The following RFX3 variants were observed in gnomAD, a reference collection of about 807,000 sequenced individuals.
RFX3 encodes regulatory factor X3.
In RFX3, 14 loss-of-function variants were observed where a neutral mutation model predicts 98.6. That is an observed-to-expected ratio of 0.14 (90% CI 0.09 to 0.22). RFX3 has a LOEUF of 0.22. Among genes scored for constraint, RFX3 ranks in the 10% least tolerant of loss-of-function variants. The probability of loss-of-function intolerance (pLI) is 1.00; values close to 1 mark genes in which losing one functional copy is unlikely to be tolerated. For missense variants in RFX3, 639 were observed against 926.9 expected, an observed-to-expected ratio of 0.69 and a Z score of 4.03; for synonymous variants, 383 against 328.4, an observed-to-expected ratio of 1.17 and a Z score of -1.80.
At chr9:3,377,009 G>A (rs1319807212) in intron 2 of RFX3, among the ~76,000 whole-genome samples, 2 of 152,198 alleles carry the variant, frequency 1.3e-5, no homozygotes, top group Non-Finnish European at 2.9e-5. Flanking sequence ...CTGTAAGCTA[G>A]TTCAACCATT....
intron 3 of RFX3, among the ~76,000 whole-genome samples, chr9:3,338,837 C>G (rs1341554407): frequency 6.6e-6 from 1 of 152,162 alleles, no homozygotes; most frequent in Non-Finnish European, 1.5e-5. Context: ...CGCCTGTAAT[C>G]TCAACACTTT....
intron 3 of RFX3, chr9:3,344,681 G>A (rs1834248312): frequency 1.7e-6 from 1 of 590,682 alleles, no homozygotes. Flanking sequence ...CCCTGCAGGT[G>A]CCCATTACTA....
At chr9:3,263,399 G>A (rs1388462831) in intron 12 of RFX3, among the ~76,000 whole-genome samples, 1 of 152,090 alleles carries the variant, frequency 6.6e-6, no homozygotes, top group Non-Finnish European at 1.5e-5. Flanking sequence ...GAGTAGGGAA[G>A]CAAGAAAAAT....
rs141739652 is a variant in RFX3, at chr9:3,513,905, T to G, written c.-9+11842A>C. 2.6e-4 allele frequency among the ~76,000 whole-genome samples: 40 copies of G among 152,304 alleles called. No individual in the cohort carries two copies. In the East Asian group the frequency reaches 7.5e-3, roughly 29 times the overall value. On this transcript the variant is annotated intron_variant, in intron 1 of 16. Coordinates refer to ENST00000617270, the MANE Select transcript of RFX3 (RefSeq NM_001282116.2). ...ACCCACAACTACTATACAGCTCTAC[T>G]CATTCAATATTATTTAAAAGGTTTT...
chr9:3,274,277 A>C (rs558445956), intron 9 of RFX3, among the ~76,000 whole-genome samples: 3 of 152,338 alleles, frequency 2.0e-5, no homozygotes, highest in South Asian at 2.1e-4. Context: ...CTATGAGCTA[A>C]GAACCTCTTA....
In RFX3 at chr9:3,378,930, G is replaced by A. The variant is rs558812024; in HGVS notation, c.117+16542C>T. 2.0e-5 allele frequency among the ~76,000 whole-genome samples: 3 copies of A among 152,258 alleles called. No homozygotes were observed. The South Asian group carries it at 6.2e-4, about 32-fold the overall frequency. On this transcript the variant is annotated intron_variant, in intron 2 of 16. Transcript: ENST00000617270. The stretch of plus-strand genomic sequence containing the variant: ...TGCTCCATTTTGGATACATCAGATA[G>A]TGACTGCTTACGCTATTCAGAAATT...
At chr9:3,519,335 T>C (rs1241153377) in intron 1 of RFX3, among the ~76,000 whole-genome samples, 1 of 152,172 alleles carries the variant, frequency 6.6e-6, no homozygotes, top group African/African-American at 2.4e-5. Context: ...TGCCTTATTT[T>C]TTAAAGTGGA....
intron 15 of RFX3, among the ~76,000 whole-genome samples, chr9:3,246,751 G>A (rs1422287286): frequency 6.6e-6 from 1 of 152,156 alleles, no homozygotes; most frequent in Non-Finnish European, 1.5e-5. Context: ...GGTCACATGA[G>A]GTCCTGCTTA....
intron 4 of RFX3, among the ~76,000 whole-genome samples, chr9:3,327,893 A>G (rs931659139): frequency 5.3e-5 from 8 of 152,108 alleles, no homozygotes; most frequent in Admixed American, 1.3e-4. Flanking sequence ...CCTTATCAAA[A>G]AAAAAATAGA....
At chr9:3,263,980 C>A in intron 12 of RFX3, among the ~76,000 whole-genome samples, 1 of 150,802 alleles carries the variant, frequency 6.6e-6, no homozygotes, top group East Asian at 2.0e-4. Context: ...TTTCCTAATG[C>A]CATAACTTTC....
At chr9:3,229,383 TCCAAAATTGAGTGTATTTGTTTTTA>T in intron 15 of RFX3, among the ~76,000 whole-genome samples, 1 of 152,206 alleles carries the variant, frequency 6.6e-6, no homozygotes, top group East Asian at 1.9e-4. Context: ...AAATAGAAAC[TCCAAAATTGAGTGTATTTGTTTTTA>T]CAAAATCTTT....
chr9:3,247,754 G>A, intron 15 of RFX3: 2 of 1,562,812 alleles, frequency 1.3e-6, no homozygotes, highest in Admixed American at 3.9e-5. Flanking sequence ...ATATTCCAGT[G>A]GTTCTCAAGT....
At chr9:3,515,427 G>T (rs1003944105) in intron 1 of RFX3, among the ~76,000 whole-genome samples, 66 of 152,250 alleles carry the variant, frequency 4.3e-4, no homozygotes, top group African/African-American at 1.3e-3. Context: ...AAGAAATCTG[G>T]AAGAAATACT....
chr9:3,344,731 G>T, intron 3 of RFX3: 1 of 603,046 alleles, frequency 1.7e-6, no homozygotes. Context: ...TGACAACTGG[G>T]TGACCTCTAG....
chr9:3,515,714 T>C (rs1244413504), intron 1 of RFX3, among the ~76,000 whole-genome samples: 2 of 152,194 alleles, frequency 1.3e-5, no homozygotes, highest in Non-Finnish European at 2.9e-5. Context: ...TAAAGTAAAC[T>C]ATGCTGACTG....
chr9:3,473,243 C>T (rs1259854929), intron 1 of RFX3, among the ~76,000 whole-genome samples: 1 of 152,176 alleles, frequency 6.6e-6, no homozygotes, highest in African/African-American at 2.4e-5. Flanking sequence ...AAGAAGATTT[C>T]CATCTGTTTT....
At chr9:3,334,095 A>C (rs1296837709) in intron 3 of RFX3, among the ~76,000 whole-genome samples, 1 of 151,362 alleles carries the variant, frequency 6.6e-6, no homozygotes, top group African/African-American at 2.4e-5. Context: ...CCATTATGTC[A>C]AAAAAAAAGA....
chr9:3,442,534 A>G (rs906167718), intron 1 of RFX3, among the ~76,000 whole-genome samples: 2 of 152,198 alleles, frequency 1.3e-5, no homozygotes, highest in Non-Finnish European at 2.9e-5. Flanking sequence ...TGGAACAGAA[A>G]CAGATATTAG....
chr9:3,303,876 C>T (rs2986691), intron 4 of RFX3, among the ~76,000 whole-genome samples: 35,419 of 151,916 alleles, frequency 0.23, 6,250 homozygotes, highest in African/African-American at 0.5. Flanking sequence ...TTCAGAATTT[C>T]GGTTCTTCTT....
Sources: allele counts gnomAD v4.1 joint callset (sites outside exome capture counted in the v4.1 genomes callset), GRCh38; gene constraint gnomAD v4.1.1; transcripts MANE v1.5; gene names NCBI Gene and HGNC (gene_info 2026-07-23, HGNC 2026-07-21).